The following SLC71A2 variants were observed in gnomAD, a reference collection of about 807,000 sequenced individuals.
The protein encoded by SLC71A2 is hippocampus abundant transcript-like 1.
At chr9:94,384,336 C>CT in the SLC71A2 span, among the ~76,000 whole-genome samples, 34,724 of 133,264 alleles carry the variant, frequency 0.26, 5,613 homozygotes, top group Non-Finnish European at 0.36. Context: ...TCAAATTTTC[C>CT]TTTTTTTTTT....
chr9:94,395,221 A>T, the SLC71A2 span, among the ~76,000 whole-genome samples: 1 of 151,802 alleles, frequency 6.6e-6, no homozygotes, highest in African/African-American at 2.4e-5. Flanking sequence ...GCCTTGTGGC[A>T]GTATGTTCAA....
At chr9:94,434,084 A>G in the SLC71A2 span, among the ~76,000 whole-genome samples, 22 of 152,286 alleles carry the variant, frequency 1.4e-4, no homozygotes, top group Admixed American at 6.5e-4. Context: ...CTGTTGTTGA[A>G]GTATATTCTA....
At chr9:94,440,088 A>T in the SLC71A2 span, among the ~76,000 whole-genome samples, 2 of 152,164 alleles carry the variant, frequency 1.3e-5, no homozygotes, top group African/African-American at 4.8e-5. Context: ...TTTTTAAAAA[A>T]CATTAAGAGT....
the SLC71A2 span, chr9:94,460,805 A>AAAAT: frequency 1.9e-4 from 29 of 152,676 alleles, no homozygotes; most frequent in East Asian, 4.8e-3. Flanking sequence ...CATTTAAAAG[A>AAAAT]AAATATATTT....
chr9:94,426,792 A>G, the SLC71A2 span, among the ~76,000 whole-genome samples: 1 of 152,166 alleles, frequency 6.6e-6, no homozygotes, highest in East Asian at 1.9e-4. Context: ...CCTTCTCAAG[A>G]ATACTTAAAG....
chr9:94,397,076 A>G, the SLC71A2 span, among the ~76,000 whole-genome samples: 1 of 152,092 alleles, frequency 6.6e-6, no homozygotes, highest in Non-Finnish European at 1.5e-5. Flanking sequence ...GGCCTCTAAC[A>G]TTTAATAGTA....
At chr9:94,394,915 GT>G in the SLC71A2 span, among the ~76,000 whole-genome samples, 7 of 64,178 alleles carry the variant, frequency 1.1e-4, no homozygotes, top group Non-Finnish European at 1.9e-4. Context: ...TACTTTTTTT[GT>G]TTTTTTTTTT....
the SLC71A2 span, among the ~76,000 whole-genome samples, chr9:94,393,833 A>G: frequency 1.0e-5 from 1 of 96,914 alleles, no homozygotes; most frequent in Admixed American, 9.0e-5. Context: ...GATATACTCA[A>G]TAACCTCTGT....
At chr9:94,435,269 T>A in the SLC71A2 span, among the ~76,000 whole-genome samples, 2 of 152,156 alleles carry the variant, frequency 1.3e-5, no homozygotes, top group Non-Finnish European at 2.9e-5. Flanking sequence ...ATAGAAGCAA[T>A]GCAAAGAGAA....
the SLC71A2 span, among the ~76,000 whole-genome samples, chr9:94,426,232 T>G: frequency 2.0e-5 from 3 of 151,980 alleles, no homozygotes; most frequent in Non-Finnish European, 2.9e-5. Flanking sequence ...GTATCCCACT[T>G]AGAAGTCCCA....
chr9:94,388,831 A>T, the SLC71A2 span, among the ~76,000 whole-genome samples: 1 of 152,194 alleles, frequency 6.6e-6, no homozygotes, highest in African/African-American at 2.4e-5. Flanking sequence ...AGCCAAAAGA[A>T]AAAAATAAAA....
chr9:94,378,420 C>G, the SLC71A2 span, among the ~76,000 whole-genome samples: 1 of 152,042 alleles, frequency 6.6e-6, no homozygotes, highest in African/African-American at 2.4e-5. Context: ...TTAAGGTCAG[C>G]AGTTGGAGAC....
chr9:94,385,375 G>C, the SLC71A2 span, among the ~76,000 whole-genome samples: 1 of 152,100 alleles, frequency 6.6e-6, no homozygotes, highest in Non-Finnish European at 1.5e-5. Flanking sequence ...TCTAATGATA[G>C]GTCTTTGGTT....
the SLC71A2 span, among the ~76,000 whole-genome samples, chr9:94,425,145 A>G: frequency 3.3e-5 from 5 of 151,122 alleles, no homozygotes; most frequent in Middle Eastern, 3.5e-3. Flanking sequence ...GAAACCCCAT[A>G]TCTACTAAAT....
At chr9:94,374,568 C>A in the SLC71A2 span, 2 of 152,640 alleles carry the variant, frequency 1.3e-5, no homozygotes, top group Admixed American at 1.3e-4. Flanking sequence ...CTGACGCCGC[C>A]GGTAACTGCG....
the SLC71A2 span, among the ~76,000 whole-genome samples, chr9:94,403,503 C>CTT: frequency 1.8e-3 from 253 of 144,128 alleles, 1 homozygote; most frequent in African/African-American, 5.6e-3. Context: ...AGTCAGTTTC[C>CTT]TTTTTTTTTT....
chr9:94,404,768 T>A, the SLC71A2 span, among the ~76,000 whole-genome samples: 1 of 152,234 alleles, frequency 6.6e-6, no homozygotes, highest in African/African-American at 2.4e-5. Context: ...TTTGCATGTA[T>A]TTTGTGCCAT....
chr9:94,390,130 C>T, the SLC71A2 span, among the ~76,000 whole-genome samples: 6 of 152,110 alleles, frequency 3.9e-5, no homozygotes, highest in Admixed American at 3.3e-4. Context: ...AGGAGAATGG[C>T]GTGAACCCAG....
At chr9:94,374,773 C>T in the SLC71A2 span, 19 of 361,858 alleles carry the variant, frequency 5.3e-5, no homozygotes, top group Non-Finnish European at 7.2e-5. Flanking sequence ...TCCGCGGCGT[C>T]GCCGTCGTCC....
Sources: gnomAD v4.1 joint callset for allele counts (sites outside exome capture counted in the v4.1 genomes callset) on GRCh38, gnomAD v4.1.1 for gene constraint, MANE v1.5 for transcripts, NCBI Gene and HGNC (gene_info 2026-07-23, HGNC 2026-07-21) for gene names.